The following SIM1 variants were observed in gnomAD, a reference collection of about 807,000 sequenced individuals.
SIM1 encodes SIM bHLH transcription factor 1.
SIM1 carries 18 observed loss-of-function variants against 78.2 expected under a neutral mutation model. The observed-to-expected ratio is 0.23, with a 90% confidence interval of 0.16 to 0.34. SIM1 has a LOEUF of 0.34. Among genes scored for constraint, SIM1 ranks in the 10% least tolerant of loss-of-function variants. The pLI is 1.00. For synonymous variants in SIM1, 417 were observed against 385.2 expected (o/e 1.08, Z -0.97); for missense variants, 939 against 975.1 (o/e 0.96, Z 0.49).
Position 100,448,581 on chromosome 6 carries a change from CCCACGG to C in SIM1, c.635_640del (p.Ala212_Val213del), listed in dbSNP as rs1337568245. On this transcript the variant is annotated inframe_deletion, in exon 7 of 12. Transcript: ENST00000369208. ...GACGGCGCTGGGAGGCAGCGAGTGGCCCACGGCCACCAGGCCCACGTTTTGGTAGCA... is the reference window on the plus strand; with the variant it reads ...GACGGCGCTGGGAGGCAGCGAGTGGCCCACCAGGCCCACGTTTTGGTAGCA... 2 of 1,614,108 alleles carry C rather than the reference CCCACGG, an allele frequency of 1.2e-6. No homozygotes were observed. Among genetic ancestry groups the C allele is most frequent in the Admixed American group, 3.3e-5 (2 of 60,034 alleles).
Position 100,463,654 on chromosome 6 carries a change from A to G in SIM1, c.-186T>C. The G allele has an allele frequency of 1.8e-6, 1 of 543,582 alleles. No individual in the cohort carries two copies. Among genetic ancestry groups the G allele is most frequent in the South Asian group, 3.2e-5 (1 of 31,492 alleles). The allele number at this position is 543,582 out of a possible 1,614,324, so 33.7% of individuals were successfully genotyped here. A position where few individuals can be genotyped will look rare whatever the true frequency, so the allele number is the denominator to read the frequency against. On this transcript the variant is annotated 5_prime_UTR_variant, in exon 2 of 12. Coordinates refer to ENST00000369208, the MANE Select transcript of SIM1 (RefSeq NM_005068.3). ...TAAAAGACCAGCGGGGGTGAACGGA[A>G]AATATGTTCTTTGAAAATTCGGGAT... is the stretch of plus-strand genomic sequence containing the variant.
At chr6:100,455,271 G>A (rs903019324) in intron 2 of SIM1, among the ~76,000 whole-genome samples, 43 of 151,920 alleles carry the variant, frequency 2.8e-4, no homozygotes, top group African/African-American at 1.0e-3. Flanking sequence ...GATGCTCCCC[G>A]CCCGCACTCG....
At chr6:100,418,184 T>TA (rs1033969877) in intron 10 of SIM1, among the ~76,000 whole-genome samples, 5 of 151,158 alleles carry the variant, frequency 3.3e-5, no homozygotes, top group South Asian at 2.1e-4. Context: ...CTACAAAAAT[T>TA]AAAAAAAAAT....
chr6:100,395,244 C>T (rs1007998885), intron 10 of SIM1, among the ~76,000 whole-genome samples: 1 of 152,190 alleles, frequency 6.6e-6, no homozygotes, highest in African/African-American at 2.4e-5. Context: ...TACTATGTGT[C>T]TGGCAATATT....
chr6:100,412,101 G>T (rs80003813), intron 10 of SIM1, among the ~76,000 whole-genome samples: 1 of 152,214 alleles, frequency 6.6e-6, no homozygotes, highest in South Asian at 2.1e-4. Flanking sequence ...TCTGATCATG[G>T]TCTGGGAGAC....
At position 100,388,416 on chromosome 6, in the gene SIM1, C is replaced by G. The variant is rs1356703504; in HGVS notation, c.*1945G>C. The G allele has an allele frequency of 6.6e-6, 1 of 152,202 alleles. No individual in the cohort carries two copies. The highest frequency in any genetic ancestry group is 1.9e-4 in the East Asian group (1 of 5,204). The allele number at this position is 152,202 out of a possible 1,614,324, so 9.4% of individuals were successfully genotyped here. ...CAAACCCATGTTATTCAAGGGTCAA[C>G]TGCACTTTGAATTTTTTGAAAATAT... On this transcript the variant is annotated 3_prime_UTR_variant, in exon 12 of 12. Transcript: ENST00000369208.
At chr6:100,412,560 AAAGAAAG>A (rs1771224064) in intron 10 of SIM1, among the ~76,000 whole-genome samples, 1 of 28,922 alleles carries the variant, frequency 3.5e-5, no homozygotes, top group Non-Finnish European at 6.6e-5. Context: ...GAAAGAAAAG[AAAGAAAG>A]AAAGAAAGAA....
In SIM1 at chr6:100,389,629, C is replaced by A. The variant is rs1770586097; in HGVS notation, c.*732G>T. 5.0e-6 allele frequency: 2 copies of A among 398,946 alleles called. No individual in the cohort carries two copies. The highest frequency in any genetic ancestry group is 8.8e-6 in the Non-Finnish European group (2 of 226,012). The allele number at this position is 398,946 out of a possible 1,614,324, so 24.7% of individuals were successfully genotyped here. On this transcript the variant is annotated 3_prime_UTR_variant, in exon 12 of 12. Coordinates refer to ENST00000369208, the MANE Select transcript of SIM1 (RefSeq NM_005068.3). Reference sequence around the variant, plus strand: ...AGGTTTTTGATGTGTGTCCCAATATCTCAGTGTTCTTACTTAGAAAAACCC... The same window carrying A: ...AGGTTTTTGATGTGTGTCCCAATATATCAGTGTTCTTACTTAGAAAAACCC...
At chr6:100,458,069 T>A (rs898880451) in intron 2 of SIM1, among the ~76,000 whole-genome samples, 2 of 119,400 alleles carry the variant, frequency 1.7e-5, no homozygotes, top group Non-Finnish European at 3.5e-5. Context: ...TCTCTCTCTC[T>A]CTGCCTTCGC....
At position 100,453,807 on chromosome 6, in the gene SIM1, G is replaced by C. The variant is rs111927367; in HGVS notation, c.213C>G (p.Ser71Arg). 2.5e-5 allele frequency: 40 copies of C among 1,612,204 alleles called. No homozygotes were observed. Among genetic ancestry groups the C allele is most frequent in the Non-Finnish European group, 2.9e-5 (34 of 1,179,216 alleles). Residue 71 changes from serine to arginine, a missense_variant, in exon 3 of 12, where the codon AGC becomes AGG. Ser to Arg is a moderately radical substitution (Grantham distance 110, BLOSUM62 -1). This residue lies in a region of SIM1 where 121 missense variants were observed against 124.6 expected (regional missense o/e 0.97). Transcript: ENST00000369208. ...GEAWGHSSRT[S>R]PLDNVGRELG... ...GTTCTCGGCCAACGTTGTCCAGGGG[G>C]CTGGTCCGACTTGAGTGGCCCCACG...
At chr6:100,396,177 G>A (rs1265717573) in intron 10 of SIM1, 5 of 505,556 alleles carry the variant, frequency 9.9e-6, no homozygotes, top group Non-Finnish European at 1.3e-5. Flanking sequence ...TACTGAGTGG[G>A]GATCCAAGTG....
chr6:100,463,093 G>A (rs73494627), intron 2 of SIM1: 11 of 510,274 alleles, frequency 2.2e-5, no homozygotes, highest in East Asian at 2.0e-4. Context: ...AGTATTGATG[G>A]GGAGGTAGAG....
chr6:100,393,746 T>A lies in SIM1; in HGVS notation c.1311A>T (p.Arg437Ser). 1 of 1,614,152 alleles carries A rather than the reference T, an allele frequency of 6.2e-7. No individual in the cohort carries two copies. The highest frequency in any genetic ancestry group is 8.5e-7 in the Non-Finnish European group (1 of 1,180,020). ...GSQHDASCAY[R>S]QFSDRSSLCY... ...AGAGAGAGCTGCGGTCCGAAAACTG[T>A]CTGTAGGCGCACGATGCGTCGTGCT... Residue 437 changes from arginine to serine, a missense_variant, in exon 11 of 12, where the codon AGA becomes AGT. Around this residue, in one of 5 missense-constraint regions of SIM1, gnomAD observed 556 missense variants for 521.9 expected, o/e 1.07. Coordinates refer to ENST00000369208, the MANE Select transcript of SIM1 (RefSeq NM_005068.3).
intron 9 of SIM1, among the ~76,000 whole-genome samples, chr6:100,422,827 T>C (rs1771630708): frequency 1.3e-5 from 2 of 152,180 alleles, no homozygotes. Context: ...TACTTGTCAA[T>C]TTAAAATGGA....
intron 10 of SIM1, among the ~76,000 whole-genome samples, chr6:100,410,466 T>C (rs1377085865): frequency 6.6e-6 from 1 of 152,178 alleles, no homozygotes; most frequent in Non-Finnish European, 1.5e-5. Context: ...TATGGAATTG[T>C]GACATGCTGA....
chr6:100,402,450 A>G (rs1048174326), intron 10 of SIM1, among the ~76,000 whole-genome samples: 1 of 151,976 alleles, frequency 6.6e-6, no homozygotes, highest in Non-Finnish European at 1.5e-5. Flanking sequence ...TTAAGAGCCT[A>G]CAGATGTGTT....
At chr6:100,404,679 C>T (rs961351196) in intron 10 of SIM1, among the ~76,000 whole-genome samples, 1 of 151,976 alleles carries the variant, frequency 6.6e-6, no homozygotes, top group African/African-American at 2.4e-5. Flanking sequence ...CCCCACTTCT[C>T]GGGATGCTTC....
intron 2 of SIM1, among the ~76,000 whole-genome samples, chr6:100,457,912 G>T (rs1019596494): frequency 6.6e-6 from 1 of 152,214 alleles, no homozygotes; most frequent in Non-Finnish European, 1.5e-5. Flanking sequence ...CTGATCCCGG[G>T]CCAGAGACAC....
chr6:100,451,660 T>C (rs1347124303), intron 3 of SIM1, among the ~76,000 whole-genome samples: 3 of 152,034 alleles, frequency 2.0e-5, no homozygotes, highest in Non-Finnish European at 4.4e-5. Context: ...AAGGGGAATA[T>C]AGAAAGGGGA....
Sources: allele counts gnomAD v4.1 joint callset (sites outside exome capture counted in the v4.1 genomes callset), GRCh38; gene constraint gnomAD v4.1.1; regional missense constraint gnomAD v4.1.1; transcripts MANE v1.5; gene names NCBI Gene and HGNC (gene_info 2026-07-23, HGNC 2026-07-21).